Variants in MED22 observed in about 807,000 individuals in gnomAD.
MED22 encodes the protein mediator of RNA polymerase II transcription subunit 22.
Under a neutral mutation model 22.7 loss-of-function variants are expected in MED22, and 22 were observed. The ratio of observed to expected loss-of-function variants is 0.97; its 90% CI spans 0.69 to 1.38. MED22 has a LOEUF of 1.38. Among genes scored for constraint, MED22 ranks in the 40% most tolerant of loss-of-function variants. The pLI is 0.00. For missense variants in MED22, 247 were observed against 263.0 expected (o/e 0.94, Z 0.42); for synonymous variants, 134 against 119.4 (o/e 1.12, Z -0.80).
rs2129956659 is a variant in MED22 at position 133,343,417 on chromosome 9, C to A, written c.413+708G>T. The A allele has an allele frequency of 9.8e-6, 12 of 1,225,542 alleles. No homozygotes were observed. The South Asian group carries it at 2.9e-4, about 30-fold the overall frequency. The allele number at this position is 1,225,542 out of a possible 1,614,324, so 75.9% of individuals were successfully genotyped here. A position where few individuals can be genotyped will look rare whatever the true frequency, so the allele number is the denominator to read the frequency against. Reference sequence around the variant, plus strand: ...TAGACTCTGATTTCTCAGGGCCCCTCCAGCTCAAACGGTCGAAGGTTTCAG... The same window carrying A: ...TAGACTCTGATTTCTCAGGGCCCCTACAGCTCAAACGGTCGAAGGTTTCAG... On this transcript the variant is annotated intron_variant, in intron 4 of 4. Coordinates refer to ENST00000343730, the MANE Select transcript of MED22 (RefSeq NM_133640.5).
chr9:133,341,770 A>G, intron 4 of MED22, 76 bp from the exon 5 acceptor site: 6 of 1,556,056 alleles, frequency 3.9e-6, no homozygotes, highest in Non-Finnish European at 5.2e-6. Flanking sequence ...AGAGCAAGAC[A>G]GAAGCAGAGT....
chr9:133,339,473 T>C lies in MED22; in HGVS notation c.*2032A>G. ...TATGAATTCATGGCATCGTGGGTGT[T>C]AAAAAAATAAAAGACCTCTGGACTA... On this transcript the variant is annotated 3_prime_UTR_variant, in exon 5 of 5. Coordinates refer to ENST00000343730, the MANE Select transcript of MED22 (RefSeq NM_133640.5). 2 of 700,484 alleles carry C rather than the reference T, an allele frequency of 2.9e-6. No homozygotes were observed. Among genetic ancestry groups the C allele is most frequent in the Admixed American group, 2.1e-5 (1 of 48,626 alleles). 43.4% of individuals were successfully genotyped at this position (700,484 alleles called of 1,614,324 possible).
Position 133,341,525 on chromosome 9 carries a change from C to T in MED22, c.583G>A (p.Gly195Ser). 6.5e-7 allele frequency: 1 copy of T among 1,528,010 alleles called. No homozygotes were observed. Among genetic ancestry groups the T allele is most frequent in the Non-Finnish European group, 8.7e-7 (1 of 1,148,578 alleles). The allele number at this position is 1,528,010 out of a possible 1,614,324, so 94.7% of individuals were successfully genotyped here. The change falls in exon 5 of 5, where the codon GGC becomes AGC. Residue 195 changes from glycine to serine, a missense_variant. Gly to Ser is a moderately conservative substitution (Grantham distance 56, BLOSUM62 0). Coordinates refer to ENST00000343730, the MANE Select transcript of MED22 (RefSeq NM_133640.5). The part of the protein sequence containing the change: ...APAHSHAGGP[G>S]PTEHA ...GAGGCTCAGGCGTGCTCAGTGGGGCCAGGGCCACCAGCATGGGAGTGGGCA... is the reference window on the plus strand; with the variant it reads ...GAGGCTCAGGCGTGCTCAGTGGGGCTAGGGCCACCAGCATGGGAGTGGGCA...
Position 133,344,261 on chromosome 9 carries a change from A to T in MED22, c.277T>A (p.Ser93Thr). 6.2e-7 allele frequency: 1 copy of T among 1,614,120 alleles called. No homozygotes were observed. Residue 93 changes from serine to threonine, a missense_variant, in exon 4 of 5, where the codon TCC becomes ACC. By Grantham distance (58) the Ser-to-Thr change is moderately conservative (BLOSUM62 1). Coordinates refer to ENST00000343730, the MANE Select transcript of MED22 (RefSeq NM_133640.5). ...KQFLILNDFPSVNEAIDQRNQ... is the reference protein window; with the variant it reads ...KQFLILNDFPTVNEAIDQRNQ... ...CGCTGGTCAATGGCCTCGTTCACGG[A>T]GGGGAAGTCATTGAGGATCAGGAAC...
chr9:133,346,656 G>A lies in MED22; in HGVS notation c.7C>T (p.Gln3Ter). The change falls in exon 2 of 5, where the codon CAG becomes TAG. Residue 3 changes from glutamine (Q) to a stop codon, truncating the protein, a stop_gained. Transcript: ENST00000343730. LOFTEE classifies it high-confidence loss of function. MA[Q>*]QRALPQSKET... ...TTGCTCTGGGGCAGGGCTCTCTGCT[G>A]GGCCATGGCCGAGCCTCAAGCAGCG... is the stretch of plus-strand genomic sequence containing the variant. The A allele has an allele frequency of 6.2e-7, 1 of 1,611,824 alleles. No homozygotes were observed. Among genetic ancestry groups the A allele is most frequent in the East Asian group, 2.2e-5 (1 of 44,878 alleles).
At chr9:133,345,347 C>T in intron 2 of MED22, 95 bp from the exon 3 acceptor site, 1 of 1,217,606 alleles carries the variant, frequency 8.2e-7, no homozygotes, top group Admixed American at 2.0e-5. Flanking sequence ...GTCATCTACC[C>T]AGGATGTCCA....
In MED22 at chr9:133,344,154, G is replaced by T; in HGVS notation, c.384C>A (p.Tyr128Ter). Residue 128 changes from tyrosine to a stop codon, truncating the protein, a stop_gained, in exon 4 of 5, where the codon TAC becomes TAA. Coordinates refer to ENST00000343730, the MANE Select transcript of MED22 (RefSeq NM_133640.5). LOFTEE classifies it high-confidence loss of function. ...TLRDEISIDL[Y>*]ELEEEYYSSS... is the part of the protein sequence containing the mutation. ...ACGAGTAATACTCCTCCTCCAGCTC[G>T]TAGAGGTCAATGGAGATCTCGTCTC... 2 of 1,614,190 alleles carry T rather than the reference G, an allele frequency of 1.2e-6. No individual in the cohort carries two copies. Among genetic ancestry groups the T allele is most frequent in the Non-Finnish European group, 1.7e-6 (2 of 1,180,032 alleles).
chr9:133,342,032 CAA>C, intron 4 of MED22: 1 of 1,117,438 alleles, frequency 8.9e-7, no homozygotes, highest in South Asian at 2.3e-5. Flanking sequence ...CCTCCTCTTG[CAA>C]AAAGCTGTCA....
chr9:133,342,413 T>G, intron 4 of MED22: 2 of 986,026 alleles, frequency 2.0e-6, no homozygotes, highest in Non-Finnish European at 2.4e-6. Flanking sequence ...CCCTTGCTCC[T>G]GCCCTCAGTG....
Position 133,339,519 on chromosome 9 carries a change from TA to T in MED22, c.*1985del, listed in dbSNP as rs1835961272. The T allele has an allele frequency of 5.2e-6, 3 of 576,434 alleles. No individual in the cohort carries two copies. Among genetic ancestry groups the T allele is most frequent in the Admixed American group, 2.8e-5 (1 of 35,350 alleles). 35.7% of individuals were successfully genotyped at this position (576,434 alleles called of 1,614,324 possible). A position where few individuals can be genotyped will look rare whatever the true frequency, so the allele number is the denominator to read the frequency against. On this transcript the variant is annotated 3_prime_UTR_variant, in exon 5 of 5. Transcript: ENST00000343730. ...GACTAGAAAGAAAAAAAATAGGCAT[TA>T]AAAAAACTATTTGGGGAACAACTGA...
At chr9:133,343,634 G>C in intron 4 of MED22, 1 of 1,248,312 alleles carries the variant, frequency 8.0e-7, no homozygotes. Flanking sequence ...TCCCATGACT[G>C]TCCCTGCCTC....
In MED22 at chr9:133,341,375, G is replaced by A; in HGVS notation, c.*130C>T. On this transcript the variant is annotated 3_prime_UTR_variant, in exon 5 of 5. Transcript: ENST00000343730. ...CACCCTGGGCTAACGGGCTTCCCAA[G>A]GAAGTCCTAGTGGCTCTGGGGTCCT... 9.6e-7 allele frequency: 1 copy of A among 1,042,984 alleles called. No individual in the cohort carries two copies. The highest frequency in any genetic ancestry group is 1.3e-6 in the Non-Finnish European group (1 of 767,684). The allele number at this position is 1,042,984 out of a possible 1,614,324, so 64.6% of individuals were successfully genotyped here.
intron 4 of MED22, 39 bp downstream of exon 4, chr9:133,344,086 G>C (rs782360039): frequency 2.5e-6 from 4 of 1,606,060 alleles, no homozygotes; most frequent in African/African-American, 1.3e-5. Flanking sequence ...CAGGTAGGCA[G>C]GCTCCCGCTC....
rs1408076977 is a variant in MED22 at position 133,341,395 on chromosome 9, G to A, written c.*110C>T. On this transcript the variant is annotated 3_prime_UTR_variant, in exon 5 of 5. Coordinates refer to ENST00000343730, the MANE Select transcript of MED22 (RefSeq NM_133640.5). ...CCCAAGGAAGTCCTAGTGGCTCTGG[G>A]GTCCTGAAGTCCCCAAATGGGAACC... 9.0e-6 allele frequency: 11 copies of A among 1,215,514 alleles called. 1 individual carries two copies. In the South Asian group the frequency reaches 1.6e-4, roughly 18 times the overall value. The allele number at this position is 1,215,514 out of a possible 1,614,324, so 75.3% of individuals were successfully genotyped here.
chr9:133,338,767 G>A lies in MED22; in HGVS notation c.*2738C>T, dbSNP rs2129941513. The A allele has an allele frequency of 4.3e-5, 15 of 345,802 alleles. No individual in the cohort carries two copies. The highest frequency in any genetic ancestry group is 6.8e-5 in the Non-Finnish European group (12 of 177,322). 21.4% of individuals were successfully genotyped at this position (345,802 alleles called of 1,614,324 possible). On this transcript the variant is annotated 3_prime_UTR_variant, in exon 5 of 5. Transcript: ENST00000343730. ...GATTTCTATACTTTTTAGTAGAGAC[G>A]GGGTTTCTCCATGTTGCCCAGGCTG...
chr9:133,345,337 G>T, intron 2 of MED22, 85 bp from the exon 3 acceptor site: 1 of 1,324,160 alleles, frequency 7.6e-7, no homozygotes, highest in Non-Finnish European at 1.1e-6. Flanking sequence ...TACGGTAACT[G>T]TCATCTACCC....
At chr9:133,346,941 G>A (rs2129970513) in intron 1 of MED22, among the ~76,000 whole-genome samples, 2 of 152,266 alleles carry the variant, frequency 1.3e-5, no homozygotes, top group Non-Finnish European at 2.9e-5. Context: ...GCCCTGTCCA[G>A]GGCTCCAGTC....
At chr9:133,343,806 C>G (rs982112468) in intron 4 of MED22, 2 of 1,398,324 alleles carry the variant, frequency 1.4e-6, no homozygotes, top group Non-Finnish European at 1.9e-6. Flanking sequence ...ACGCACTGCC[C>G]GAGGAGGAAG....
chr9:133,343,381 T>C (rs2129956482), intron 4 of MED22: 12 of 1,229,348 alleles, frequency 9.8e-6, no homozygotes, highest in Non-Finnish European at 1.0e-5. Flanking sequence ...TCCCCCTAAG[T>C]AAATGATACG....
Sources: gnomAD v4.1 joint callset for allele counts (sites outside exome capture counted in the v4.1 genomes callset) on GRCh38, gnomAD v4.1.1 for gene constraint, MANE v1.5 for transcripts, NCBI Gene and HGNC (gene_info 2026-07-23, HGNC 2026-07-21) for gene names.